The following PIDD1 variants were observed in gnomAD, a reference collection of about 807,000 sequenced individuals.
PIDD1 encodes p53-induced death domain-containing protein 1.
Under a neutral mutation model 80.0 loss-of-function variants are expected in PIDD1, and 72 were observed. That is an observed-to-expected ratio of 0.90 (90% CI 0.74 to 1.09). The LOEUF (loss-of-function observed/expected upper bound fraction) is 1.09, where lower values mean the gene tolerates loss of function less well. Ranked by LOEUF, PIDD1 falls within the 50% of genes least tolerant of loss-of-function variation. PIDD1 has a pLI of 0.00. For synonymous variants in PIDD1, 655 were observed against 543.5 expected (o/e 1.21, Z -2.85); for missense variants, 1,329 against 1,228.3 (o/e 1.08, Z -1.23).
chr11:801,711 G>C (rs1865344315), intron 7 of PIDD1, 87 bp from the exon 8 acceptor site: 6 of 1,237,182 alleles, frequency 4.8e-6, no homozygotes, highest in Non-Finnish European at 6.9e-6. Context: ...AGGAGAGACG[G>C]GGCGGGGTGG....
chr11:803,254 G>A lies in PIDD1; in HGVS notation c.629C>T (p.Pro210Leu). The change falls in exon 3 of 16, where the codon CCT becomes CTT. Residue 210 changes from proline (P) to leucine (L), a missense_variant. Pro to Leu is a moderately conservative substitution (Grantham distance 98). Transcript: ENST00000347755. ...DLSQNLLDTL[P>L]PEIGGLGSLL... ...GCTGCCCAGGCCTCCAATCTCAGGAGGTAGCGTGTCCAGCAGATTCTGAGA... is the reference window on the plus strand; with the variant it reads ...GCTGCCCAGGCCTCCAATCTCAGGAAGTAGCGTGTCCAGCAGATTCTGAGA... 1 of 1,613,348 alleles carries A rather than the reference G, an allele frequency of 6.2e-7. No homozygotes were observed. The highest frequency in any genetic ancestry group is 8.5e-7 in the Non-Finnish European group (1 of 1,179,974).
upstream of PIDD1, among the ~76,000 whole-genome samples, chr11:808,972 T>C (rs1446820008): frequency 6.6e-6 from 1 of 152,202 alleles, no homozygotes; most frequent in African/African-American, 2.4e-5. Flanking sequence ...TTCCTGGTGC[T>C]CGCCCGGGAT....
upstream of PIDD1, chr11:809,362 C>G (rs540820841): frequency 2.0e-5 from 3 of 152,264 alleles, no homozygotes; most frequent in African/African-American, 7.2e-5. Flanking sequence ...AGTGCGGGGG[C>G]GGCCTCCCAG....
chr11:800,025 G>C lies in PIDD1; in HGVS notation c.2275-11C>G, dbSNP rs1565050724. 6.2e-7 allele frequency: 1 copy of C among 1,612,270 alleles called. No homozygotes were observed. The highest frequency in any genetic ancestry group is 1.7e-5 in the Admixed American group (1 of 60,020). ...GGACCCTCGAAGTCTCTGTTGGAAG[G>C]AAAAAGTGCATTAAGCCCTGGGCTC... On this transcript the variant is annotated splice_polypyrimidine_tract_variant and intron_variant, in intron 14 of 15. Coordinates refer to ENST00000347755, the MANE Select transcript of PIDD1 (RefSeq NM_145886.4).
rs1003201970 is a variant in PIDD1 at position 800,641 on chromosome 11, A to G, written c.1943T>C (p.Leu648Pro). 1.3e-6 allele frequency: 2 copies of G among 1,593,504 alleles called. No individual in the cohort carries two copies. Among genetic ancestry groups the G allele is most frequent in the Admixed American group, 3.4e-5 (2 of 58,832 alleles). Residue 648 changes from leucine (L) to proline (P), a missense_variant, in exon 12 of 16, where the codon CTG becomes CCG. Transcript: ENST00000347755. The stretch of plus-strand genomic sequence containing the variant: ...GGGCTCGGGGCCCCGGTACCGCTCC[A>G]GCAGCCGCCGAAGGGTGGCGTCCAC... ...NKVDATLRRL[L>P]ERYRGPEPSD...
chr11:802,743 G>A lies in PIDD1; in HGVS notation c.858C>T (p.Pro286=), dbSNP rs1865471825. The change falls in exon 4 of 16, where the codon CCC becomes CCT. Residue 286 remains proline (P), a synonymous_variant. Coordinates refer to ENST00000347755, the MANE Select transcript of PIDD1 (RefSeq NM_145886.4). ...RDLPPELLDA[P]FVRLQGNPLG... is the part of the protein sequence containing the mutation. ...GGGGGTTCCCCTGCAGGCGCACAAAGGGGGCGTCTAGCAGCTCAGGGGGCA... is the reference window on the plus strand; with the variant it reads ...GGGGGTTCCCCTGCAGGCGCACAAAAGGGGCGTCTAGCAGCTCAGGGGGCA... 6.2e-7 allele frequency: 1 copy of A among 1,611,374 alleles called. No individual in the cohort carries two copies. The highest frequency in any genetic ancestry group is 1.7e-5 in the Admixed American group (1 of 59,812).
At chr11:808,559 G>C (rs1462965113), upstream of PIDD1, among the ~76,000 whole-genome samples, 2 of 152,226 alleles carry the variant, frequency 1.3e-5, no homozygotes, top group Admixed American at 6.5e-5. Flanking sequence ...TTTTAGCCGG[G>C]TGTGGTGGCA....
chr11:805,395 G>A (rs887916384), upstream of PIDD1: 28 of 335,798 alleles, frequency 8.3e-5, no homozygotes, highest in Non-Finnish European at 1.1e-4. Flanking sequence ...CCCCGGAGAC[G>A]CGGACGCGAC....
At position 799,583 on chromosome 11, in the gene PIDD1, G is replaced by A. The variant is rs773406383; in HGVS notation, c.2475-18C>T. 2.7e-5 allele frequency: 42 copies of A among 1,579,556 alleles called. No homozygotes were observed. Among genetic ancestry groups the A allele is most frequent in the Non-Finnish European group, 3.3e-5 (39 of 1,166,946 alleles). ...GATCATCCCTGCAGGCAGAGGATGG[G>A]CGACAGAGGGGTCCTGTCCACCTGC... On this transcript the variant is annotated intron_variant, in intron 15 of 15. Coordinates refer to ENST00000347755, the MANE Select transcript of PIDD1 (RefSeq NM_145886.4).
upstream of PIDD1, chr11:805,322 C>A (rs1177770817): frequency 7.3e-6 from 5 of 680,820 alleles, no homozygotes; most frequent in Non-Finnish European, 9.1e-6. Context: ...CTCCGCCGGG[C>A]TGGGGTCCAC....
chr11:802,932 C>T (rs367573523), intron 3 of PIDD1, 41 bp from the exon 4 acceptor site: 6 of 1,501,756 alleles, frequency 4.0e-6, no homozygotes, highest in Admixed American at 3.9e-5. Context: ...CCAGCCCAGC[C>T]CACGGCGCTG....
upstream of PIDD1, among the ~76,000 whole-genome samples, chr11:807,881 C>T (rs184401131): frequency 1.1e-3 from 174 of 152,312 alleles, no homozygotes; most frequent in Middle Eastern, 3.4e-3. Flanking sequence ...TCAAGCCTGG[C>T]CCACATAAAC....
upstream of PIDD1, among the ~76,000 whole-genome samples, chr11:809,125 A>G (rs1865927287): frequency 6.6e-6 from 1 of 151,228 alleles, no homozygotes; most frequent in Non-Finnish European, 1.5e-5. Context: ...AGTCCTTAGG[A>G]GGCAGGGCCA....
chr11:801,090 AGG>A lies in PIDD1; in HGVS notation c.1659_1660del (p.Leu554ValfsTer12). The A allele has an allele frequency of 6.3e-7, 1 of 1,590,436 alleles. No individual in the cohort carries two copies. Among genetic ancestry groups the A allele is most frequent in the Non-Finnish European group, 8.6e-7 (1 of 1,167,244 alleles). On this transcript the variant is annotated frameshift_variant, in exon 10 of 16. Transcript: ENST00000347755. LOFTEE classifies it high-confidence loss of function. ...GGCTGCAGGAGGGGCCCAGTACAAC[AGG>A]TGCAGGCGGGAGCGGTCCAGACTGA...
Position 803,565 on chromosome 11 carries a change from C to A in PIDD1, c.318G>T (p.Leu106=). 1 of 1,611,094 alleles carries A rather than the reference C, an allele frequency of 6.2e-7. No individual in the cohort carries two copies. The highest frequency in any genetic ancestry group is 8.5e-7 in the Non-Finnish European group (1 of 1,178,754). Residue 106 remains leucine (L), a synonymous_variant, in exon 3 of 16, where the codon CTG becomes CTT. Coordinates refer to ENST00000347755, the MANE Select transcript of PIDD1 (RefSeq NM_145886.4). ...TCAGGGCACCCCGGAGACAGGCACCCAGTGTGTCCCGGCGTTGCCCTCCTG... is the reference window on the plus strand; with the variant it reads ...TCAGGGCACCCCGGAGACAGGCACCAAGTGTGTCCCGGCGTTGCCCTCCTG... ...VLKGGQRRDT[L]GACLRGALTN... is the part of the protein sequence containing the mutation.
Position 800,410 on chromosome 11 carries a change from A to G in PIDD1, c.2083T>C (p.Tyr695His), listed in dbSNP as rs751160063. The change falls in exon 13 of 16, where the codon TAC becomes CAC. Residue 695 changes from tyrosine to histidine, a missense_variant. By Grantham distance (83) the Tyr-to-His change is moderately conservative (BLOSUM62 2). Transcript: ENST00000347755. The stretch of plus-strand genomic sequence containing the variant: ...TCCTTCACATTCTTCAGGTGCGAGT[A>G]GAAGACAAAGCAGATTCTGCCCTCC... ...CVEGRICFVFYSHLKNVKEVY... is the reference protein window; with the variant it reads ...CVEGRICFVFHSHLKNVKEVY... 2 of 1,612,872 alleles carry G rather than the reference A, an allele frequency of 1.2e-6. No individual in the cohort carries two copies. Among genetic ancestry groups the G allele is most frequent in the Non-Finnish European group, 1.7e-6 (2 of 1,179,992 alleles).
chr11:800,423 G>A lies in PIDD1; in HGVS notation c.2070C>T (p.Ile690=). 1 of 1,534,752 alleles carries A rather than the reference G, an allele frequency of 6.5e-7. No individual in the cohort carries two copies. The highest frequency in any genetic ancestry group is 8.9e-7 in the Non-Finnish European group (1 of 1,121,244). The change falls in exon 13 of 16, where the codon ATC becomes ATT. Residue 690 remains isoleucine (I), a synonymous_variant. Transcript: ENST00000347755. ...TCAGGTGCGAGTAGAAGACAAAGCA[G>A]ATTCTGCCCTCCACACAGTCAGGGC... ...ADRPDCVEGR[I]CFVFYSHLKN...
At chr11:804,563 A>G in intron 1 of PIDD1, 100 bp from the exon 2 acceptor site, 1 of 1,242,082 alleles carries the variant, frequency 8.1e-7, no homozygotes, top group East Asian at 2.6e-5. Context: ...GAGCCAGGCC[A>G]TCTGGGCCTG....
rs1268973313 is a variant in PIDD1, at chr11:802,704, C to T, written c.897G>A (p.Ser299=). The change falls in exon 4 of 16, where the codon TCG becomes TCA. Residue 299 remains serine, a synonymous_variant. Transcript: ENST00000347755. ...TACCTGGTGAACTCGGGGCGTCTGG[C>T]GAGGCCTCACCCAGGGGGTTCCCCT... ...RLQGNPLGEA[S]PDAPSSPVAA... is the part of the protein sequence containing the mutation. 20 of 1,610,934 alleles carry T rather than the reference C, an allele frequency of 1.2e-5. No individual in the cohort carries two copies. Among genetic ancestry groups the T allele is most frequent in the Middle Eastern group, 1.7e-4 (1 of 6,054 alleles).
Sources: allele counts gnomAD v4.1 joint callset (sites outside exome capture counted in the v4.1 genomes callset), GRCh38; gene constraint gnomAD v4.1.1; transcripts MANE v1.5; gene names NCBI Gene and HGNC (gene_info 2026-07-23, HGNC 2026-07-21).